ZFPM2: variants seen among roughly 807,000 people sequenced by gnomAD.
ZFPM2 encodes zinc finger protein, FOG family member 2.
A neutral mutation model predicts 98.6 loss-of-function variants in ZFPM2; 20 were observed. The ratio of observed to expected loss-of-function variants is 0.20; its 90% CI spans 0.14 to 0.29. The LOEUF (loss-of-function observed/expected upper bound fraction) is 0.29, where lower values mean the gene tolerates loss of function less well. Among genes scored for constraint, ZFPM2 ranks in the 10% least tolerant of loss-of-function variants. ZFPM2 has a pLI of 1.00. For synonymous variants in ZFPM2, 518 were observed against 502.7 expected (o/e 1.03, Z -0.41); for missense variants, 1,310 against 1,388.6 (o/e 0.94, Z 0.90).
chr8:105,527,085 G>C (rs1056898881), intron 3 of ZFPM2, among the ~76,000 whole-genome samples: 1 of 152,126 alleles, frequency 6.6e-6, no homozygotes, highest in Admixed American at 6.6e-5. Context: ...GACATAGAAA[G>C]TAGGGTGAAA....
chr8:105,599,718 C>G (rs542211161), intron 4 of ZFPM2, among the ~76,000 whole-genome samples: 1 of 152,140 alleles, frequency 6.6e-6, no homozygotes, highest in African/African-American at 2.4e-5. Flanking sequence ...GCCAGGGCTG[C>G]ACCATCAGCC....
intron 3 of ZFPM2, among the ~76,000 whole-genome samples, chr8:105,460,594 C>T (rs747872684): frequency 6.6e-6 from 1 of 151,958 alleles, no homozygotes; most frequent in African/African-American, 2.4e-5. Context: ...GACACTCAGG[C>T]AATAGGCTTT....
At chr8:105,374,566 T>A (rs1261038542) in intron 1 of ZFPM2, among the ~76,000 whole-genome samples, 3 of 152,148 alleles carry the variant, frequency 2.0e-5, no homozygotes, top group Non-Finnish European at 2.9e-5. Context: ...TAAAATTTTT[T>A]GTCGAGATGG....
chr8:105,701,729 C>T (rs957247245), intron 5 of ZFPM2, among the ~76,000 whole-genome samples: 2 of 152,156 alleles, frequency 1.3e-5, no homozygotes, highest in Non-Finnish European at 2.9e-5. Context: ...AAAATATAGT[C>T]TTCATGGTGA....
chr8:105,680,180 A>G (rs988763217), intron 5 of ZFPM2, among the ~76,000 whole-genome samples: 5 of 152,144 alleles, frequency 3.3e-5, no homozygotes, highest in Admixed American at 6.5e-5. Flanking sequence ...AGGCTTGAAT[A>G]CTACATTGTC....
chr8:105,627,463 G>A lies in ZFPM2; in HGVS notation c.421-6783G>A, dbSNP rs568424869. On this transcript the variant is annotated intron_variant, in intron 4 of 7. Transcript: ENST00000407775. ...CATTCCAGTTTAAGTGAAATTCAAG[G>A]CTATTGTTATGTACCTTGAATTGAT... 5.9e-5 allele frequency among the ~76,000 whole-genome samples: 9 copies of A among 152,058 alleles called. No homozygotes were observed. In the South Asian group the frequency reaches 1.5e-3, roughly 25 times the overall value.
chr8:105,490,999 C>A (rs1254548784), intron 3 of ZFPM2, among the ~76,000 whole-genome samples: 3 of 151,828 alleles, frequency 2.0e-5, no homozygotes, highest in African/African-American at 7.3e-5. Context: ...ATCCCAAGAC[C>A]ACTCTTCTTG....
intron 5 of ZFPM2, among the ~76,000 whole-genome samples, chr8:105,749,175 G>A (rs528166164): frequency 6.6e-6 from 1 of 151,948 alleles, no homozygotes; most frequent in Non-Finnish European, 1.5e-5. Context: ...ACATATTTGG[G>A]ATTTTAAAAG....
At chr8:105,505,636 C>T (rs1038226633) in intron 3 of ZFPM2, among the ~76,000 whole-genome samples, 3 of 151,852 alleles carry the variant, frequency 2.0e-5, no homozygotes, top group Admixed American at 6.6e-5. Context: ...TATATTACCT[C>T]GCTAAAAACC....
intron 1 of ZFPM2, among the ~76,000 whole-genome samples, chr8:105,407,551 G>A (rs768668398): frequency 5.3e-5 from 8 of 151,966 alleles, no homozygotes; most frequent in African/African-American, 1.9e-4. Context: ...AGGAAGGTGC[G>A]AAATCCCCCA....
intron 5 of ZFPM2, among the ~76,000 whole-genome samples, chr8:105,643,390 T>A (rs1816982451): frequency 6.6e-6 from 1 of 152,132 alleles, no homozygotes; most frequent in Non-Finnish European, 1.5e-5. Context: ...GTCATTCTAA[T>A]CACTTTCTTA....
At chr8:105,786,589 T>TA (rs11424321) in intron 5 of ZFPM2, among the ~76,000 whole-genome samples, 50,549 of 152,096 alleles carry the variant, frequency 0.33, 9,758 homozygotes, top group African/African-American at 0.53. Flanking sequence ...ATAAAGATAA[T>TA]AAATGTGAAA....
At chr8:105,436,041 T>A (rs1209388736) in intron 2 of ZFPM2, among the ~76,000 whole-genome samples, 1 of 152,206 alleles carries the variant, frequency 6.6e-6, no homozygotes, top group Non-Finnish European at 1.5e-5. Context: ...TTAGCAAGTG[T>A]AATGATATTG....
intron 3 of ZFPM2, among the ~76,000 whole-genome samples, chr8:105,475,164 T>G (rs1293680983): frequency 6.6e-6 from 1 of 152,200 alleles, no homozygotes; most frequent in East Asian, 1.9e-4. Flanking sequence ...AATATTTAGG[T>G]TAAAAACAAC....
intron 3 of ZFPM2, among the ~76,000 whole-genome samples, chr8:105,470,957 C>T (rs772489935): frequency 6.6e-6 from 1 of 152,014 alleles, no homozygotes; most frequent in Non-Finnish European, 1.5e-5. Flanking sequence ...AAAATAATGG[C>T]TGACATTTCA....
chr8:105,523,889 A>G (rs559362402), intron 3 of ZFPM2, among the ~76,000 whole-genome samples: 14 of 152,300 alleles, frequency 9.2e-5, no homozygotes, highest in Admixed American at 3.3e-4. Flanking sequence ...AACTGGGAGA[A>G]CATAGTGGCA....
At chr8:105,673,184 A>C (rs1229983296) in intron 5 of ZFPM2, among the ~76,000 whole-genome samples, 1 of 97,212 alleles carries the variant, frequency 1.0e-5, no homozygotes. Flanking sequence ...TTCAAATAGC[A>C]TGCTTTTTTT....
At chr8:105,616,702 G>C (rs996500316) in intron 4 of ZFPM2, 3 of 382,592 alleles carry the variant, frequency 7.8e-6, no homozygotes, top group South Asian at 4.0e-5. Context: ...AACGGACAGA[G>C]AAGTTGTCCT....
chr8:105,798,814 A>T lies in ZFPM2; in HGVS notation c.830A>T (p.Gln277Leu), dbSNP rs1289104736. The T allele has an allele frequency of 1.9e-6, 3 of 1,613,868 alleles. No individual in the cohort carries two copies. The highest frequency in any genetic ancestry group is 2.5e-6 in the Non-Finnish European group (3 of 1,179,886). The change falls in exon 7 of 8, where the codon CAA (glutamine) becomes CTA (leucine). Residue 277 changes from glutamine to leucine, a missense_variant. By Grantham distance (113) the Gln-to-Leu change is moderately radical. Coordinates refer to ENST00000407775, the MANE Select transcript of ZFPM2 (RefSeq NM_012082.4). ...AHLMYYCSGR[Q>L]REAAPVSEEN... ...TTGATGTACTACTGCAGTGGGAGGC[A>T]AAGAGAAGCTGCTCCGGTGTCAGAG...
Sources: allele counts gnomAD v4.1 joint callset (sites outside exome capture counted in the v4.1 genomes callset), GRCh38; gene constraint gnomAD v4.1.1; transcripts MANE v1.5; gene names NCBI Gene and HGNC (gene_info 2026-07-23, HGNC 2026-07-21).